The following PLEKHG3 variants were observed in gnomAD, a reference collection of about 807,000 sequenced individuals.
The protein encoded by PLEKHG3 is pleckstrin homology domain-containing family G member 3.
In PLEKHG3, 62 loss-of-function variants were observed where a neutral mutation model predicts 94.9. That is an observed-to-expected ratio of 0.65 (90% CI 0.53 to 0.81). The LOEUF is 0.81. PLEKHG3 is among the 30% of genes least tolerant of loss of function. The pLI is 0.00. For synonymous variants in PLEKHG3, 614 were observed against 654.0 expected (o/e 0.94, Z 0.93); for missense variants, 1,461 against 1,619.3 (o/e 0.90, Z 1.68).
chr14:64,714,755 A>G (rs535987618), intron 1 of PLEKHG3, among the ~76,000 whole-genome samples: 8 of 152,238 alleles, frequency 5.3e-5, no homozygotes, highest in Non-Finnish European at 1.2e-4. Context: ...TCCCAAACTT[A>G]ATATCTGTGC....
rs751458126 is a variant in PLEKHG3, at chr14:64,730,192, G to A, written c.450-51G>A. The A allele has an allele frequency of 1.0e-4, 102 of 984,754 alleles. No homozygotes were observed. Among genetic ancestry groups the A allele is most frequent in the Non-Finnish European group, 1.5e-4 (94 of 643,888 alleles). 61.0% of individuals were successfully genotyped at this position (984,754 alleles called of 1,614,324 possible). ...GAGGTTGGGGAGGGGGCAGTGAGGG[G>A]CATTGTCCTCTGACTGCAGAGGGTA... On this transcript the variant is annotated intron_variant, in intron 3 of 16. Transcript: ENST00000247226. The surrounding 1 kb of genome is among the most constrained non-coding windows in gnomAD (Gnocchi z 5.4).
At chr14:64,734,526 CAAT>C (rs2081533669) in intron 12 of PLEKHG3, among the ~76,000 whole-genome samples, 1 of 152,084 alleles carries the variant, frequency 6.6e-6, no homozygotes, top group Non-Finnish European at 1.5e-5. Context: ...AATTATATTT[CAAT>C]AAAGCTGTTA....
chr14:64,730,606 A>ATC lies in PLEKHG3; in HGVS notation c.520-33_520-32dup, dbSNP rs753977468. Reference sequence around the variant, plus strand: ...CCACCATCTTTACTGTCAAATGAGAATCTCCCTGAAATCACTATTTTTGAT... The same window carrying ATC: ...CCACCATCTTTACTGTCAAATGAGAATCTCTCCCTGAAATCACTATTTTTGAT... On this transcript the variant is annotated intron_variant, in intron 4 of 16. Coordinates refer to ENST00000247226, the MANE Select transcript of PLEKHG3 (RefSeq NM_001308147.2). This position sits in a 1 kb window ranked among gnomAD's most constrained non-coding sequence, Gnocchi z 5.4. 4 of 1,562,692 alleles carry ATC rather than the reference A, an allele frequency of 2.6e-6. No individual in the cohort carries two copies. The highest frequency in any genetic ancestry group is 3.5e-6 in the Non-Finnish European group (4 of 1,133,458).
Position 64,743,257 on chromosome 14 carries a change from C to G in PLEKHG3, c.3214C>G (p.Arg1072Gly). Residue 1072 changes from arginine to glycine, a missense_variant, in exon 17 of 17, where the codon CGC becomes GGC. By Grantham distance (125) the Arg-to-Gly change is moderately radical. This residue lies in a region of PLEKHG3 where 1,201 missense variants were observed against 1,295.5 expected (regional missense o/e 0.93). Transcript: ENST00000247226. The surrounding 1 kb of genome is among the most constrained non-coding windows in gnomAD (Gnocchi z 7.2). ...EARRAGGGRP[R>G]GPPVNRSHSV... ...ACGCCGAGCAGGGGGCGGCCGGCCC[C>G]GCGGCCCACCCGTCAACAGGAGCCA... The G allele has an allele frequency of 6.2e-7, 1 of 1,606,256 alleles. No individual in the cohort carries two copies. Among genetic ancestry groups the G allele is most frequent in the Non-Finnish European group, 8.5e-7 (1 of 1,178,586 alleles).
In PLEKHG3 at chr14:64,716,140, TG is replaced by T. The variant is rs760801914; in HGVS notation, c.-40+11440del. The T allele has an allele frequency of 2.3e-6, 1 of 440,578 alleles. No homozygotes were observed. The highest frequency in any genetic ancestry group is 1.6e-5 in the South Asian group (1 of 62,896). The allele number at this position is 440,578 out of a possible 1,614,324, so 27.3% of individuals were successfully genotyped here. A position where few individuals can be genotyped will look rare whatever the true frequency, so the allele number is the denominator to read the frequency against. ...GCCAGGGGATGGGAATGGGGTGGGA[TG>T]GGGACTCTTTCAACTCCGGGCCTCT... On this transcript the variant is annotated intron_variant, in intron 1 of 16. Coordinates refer to ENST00000247226, the MANE Select transcript of PLEKHG3 (RefSeq NM_001308147.2). The surrounding 1 kb of genome is among the most constrained non-coding windows in gnomAD (Gnocchi z 5.0).
At position 64,721,627 on chromosome 14, in the gene PLEKHG3, C is replaced by T. The variant is rs998876536; in HGVS notation, c.-39-5966C>T. Among the ~76,000 whole-genome samples the T allele has an allele frequency of 6.6e-6, 1 of 152,092 alleles. No homozygotes were observed. The highest frequency in any genetic ancestry group is 1.5e-5 in the Non-Finnish European group (1 of 68,026). On this transcript the variant is annotated intron_variant, in intron 1 of 16. Coordinates refer to ENST00000247226, the MANE Select transcript of PLEKHG3 (RefSeq NM_001308147.2). The surrounding 1 kb of genome is among the most constrained non-coding windows in gnomAD (Gnocchi z 4.3). ...TTGGCACAGCCTCTGCAGGCAGTCA[C>T]GTTGCTCACATGCACACAAAGTCAC...
Position 64,731,853 on chromosome 14 carries a change from G to T in PLEKHG3, c.1125+47G>T, listed in dbSNP as rs747672179. On this transcript the variant is annotated intron_variant, in intron 9 of 16. Coordinates refer to ENST00000247226, the MANE Select transcript of PLEKHG3 (RefSeq NM_001308147.2). The surrounding 1 kb of genome is among the most constrained non-coding windows in gnomAD (Gnocchi z 6.1). ...GGGGCTAGGGAACAAGATGCCCAGG[G>T]GACACCTGCGTGGGACTCCTGGCTC... The T allele has an allele frequency of 1.5e-6, 2 of 1,348,858 alleles. No individual in the cohort carries two copies. Among genetic ancestry groups the T allele is most frequent in the Admixed American group, 3.4e-5 (2 of 59,100 alleles). The allele number at this position is 1,348,858 out of a possible 1,614,324, so 83.6% of individuals were successfully genotyped here.
Position 64,738,132 on chromosome 14 carries a change from G to A in PLEKHG3, c.1405-610G>A, listed in dbSNP as rs1186363280. The stretch of plus-strand genomic sequence containing the variant: ...GCAGGAGGAGAGCCTGGCGGTGGCG[G>A]AGCAGGTAGCCGACTTTGCCAGCTC... On this transcript the variant is annotated intron_variant, in intron 14 of 16. Coordinates refer to ENST00000247226, the MANE Select transcript of PLEKHG3 (RefSeq NM_001308147.2). This position sits in a 1 kb window ranked among gnomAD's most constrained non-coding sequence, Gnocchi z 4.8. 3 of 1,299,714 alleles carry A rather than the reference G, an allele frequency of 2.3e-6. No homozygotes were observed. Among genetic ancestry groups the A allele is most frequent in the Middle Eastern group, 2.5e-4 (1 of 4,056 alleles). 80.5% of individuals were successfully genotyped at this position (1,299,714 alleles called of 1,614,324 possible). A position where few individuals can be genotyped will look rare whatever the true frequency, so the allele number is the denominator to read the frequency against.
In PLEKHG3 at chr14:64,718,170, A is replaced by G. The variant is rs1003118842; in HGVS notation, c.-39-9423A>G. ...CCTGGTCCCCTAAGTAGCACTAGCT[A>G]CTCCTTCTGTTAGCACAGTTTATTT... is the stretch of plus-strand genomic sequence containing the variant. On this transcript the variant is annotated intron_variant, in intron 1 of 16. Coordinates refer to ENST00000247226, the MANE Select transcript of PLEKHG3 (RefSeq NM_001308147.2). This position sits in a 1 kb window ranked among gnomAD's most constrained non-coding sequence, Gnocchi z 5.0. Among the ~76,000 whole-genome samples the G allele has an allele frequency of 4.6e-5, 7 of 152,050 alleles. No homozygotes were observed. The highest frequency in any genetic ancestry group is 6.5e-5 in the Admixed American group (1 of 15,270).
rs912579961 is a variant in PLEKHG3 at position 64,749,744 on chromosome 14, C to T, written c.*6041C>T. 9.4e-6 allele frequency: 15 copies of T among 1,602,980 alleles called. No individual in the cohort carries two copies. Among genetic ancestry groups the T allele is most frequent in the Middle Eastern group, 1.6e-4 (1 of 6,072 alleles). Reference sequence around the variant, plus strand: ...GTCATGGAGACACCTCTGGAGGGGGCGCTGGGCAGAGGGCTGGCTCTGATC... The same window carrying T: ...GTCATGGAGACACCTCTGGAGGGGGTGCTGGGCAGAGGGCTGGCTCTGATC... On this transcript the variant is annotated 3_prime_UTR_variant, in exon 17 of 17. Transcript: ENST00000247226. The surrounding 1 kb of genome is among the most constrained non-coding windows in gnomAD (Gnocchi z 4.7).
rs754504140 is a variant in PLEKHG3, at chr14:64,750,016, G to A, written c.*6313G>A. 101 of 1,614,086 alleles carry A rather than the reference G, an allele frequency of 6.3e-5. 1 individual carries two copies. The highest frequency in any genetic ancestry group is 8.0e-5 in the Non-Finnish European group (94 of 1,180,044). ...AGACGTGCTTCTTCTTCTTGTAGTTGGCAGCAATCTCACAGATGGCATGTC... is the reference window on the plus strand; with the variant it reads ...AGACGTGCTTCTTCTTCTTGTAGTTAGCAGCAATCTCACAGATGGCATGTC... On this transcript the variant is annotated 3_prime_UTR_variant, in exon 17 of 17. Transcript: ENST00000247226.
In PLEKHG3 at chr14:64,727,649, C is replaced by A. The variant is rs756611033; in HGVS notation, c.18C>A (p.Ser6=). MPVST[S]LHQDGSQERP... ...ATGCCAGGATGCCTGTGTCCACCTCCCTCCACCAGGATGGCAGCCAGGAGC... is the reference window on the plus strand; with the variant it reads ...ATGCCAGGATGCCTGTGTCCACCTCACTCCACCAGGATGGCAGCCAGGAGC... The change falls in exon 2 of 17, where the codon TCC becomes TCA. Residue 6 remains serine, a synonymous_variant. Coordinates refer to ENST00000247226, the MANE Select transcript of PLEKHG3 (RefSeq NM_001308147.2). The surrounding 1 kb of genome is among the most constrained non-coding windows in gnomAD (Gnocchi z 6.0). 1.9e-6 allele frequency: 3 copies of A among 1,611,674 alleles called. No individual in the cohort carries two copies. The South Asian group carries it at 3.3e-5, about 18-fold the overall frequency.
rs2081377522 is a variant in PLEKHG3, at chr14:64,727,646, C to T, written c.15C>T (p.Thr5=). MPVS[T]SLHQDGSQER... is the part of the protein sequence containing the mutation. ...GCAATGCCAGGATGCCTGTGTCCAC[C>T]TCCCTCCACCAGGATGGCAGCCAGG... Residue 5 remains threonine (T), a synonymous_variant, in exon 2 of 17, where the codon ACC becomes ACT. Coordinates refer to ENST00000247226, the MANE Select transcript of PLEKHG3 (RefSeq NM_001308147.2). The surrounding 1 kb of genome is among the most constrained non-coding windows in gnomAD (Gnocchi z 6.0). 10 of 1,610,956 alleles carry T rather than the reference C, an allele frequency of 6.2e-6. No homozygotes were observed. Among genetic ancestry groups the T allele is most frequent in the Non-Finnish European group, 8.5e-6 (10 of 1,178,400 alleles).
At position 64,746,474 on chromosome 14, in the gene PLEKHG3, A is replaced by G. The variant is rs901539882; in HGVS notation, c.*2771A>G. ...ATTTCCTCCCTGAGCTTGTTTGTCCAAGCCACCAAGCCATGTGGTCCCGCT... is the reference window on the plus strand; with the variant it reads ...ATTTCCTCCCTGAGCTTGTTTGTCCGAGCCACCAAGCCATGTGGTCCCGCT... On this transcript the variant is annotated 3_prime_UTR_variant, in exon 17 of 17. Coordinates refer to ENST00000247226, the MANE Select transcript of PLEKHG3 (RefSeq NM_001308147.2). This position sits in a 1 kb window ranked among gnomAD's most constrained non-coding sequence, Gnocchi z 4.9. 6.6e-6 allele frequency: 1 copy of G among 152,660 alleles called. No homozygotes were observed. The highest frequency in any genetic ancestry group is 6.5e-5 in the Admixed American group (1 of 15,272). The allele number at this position is 152,660 out of a possible 1,614,324, so 9.5% of individuals were successfully genotyped here. A position where few individuals can be genotyped will look rare whatever the true frequency, so the allele number is the denominator to read the frequency against.
chr14:64,713,844 A>G (rs1465000139), intron 1 of PLEKHG3, among the ~76,000 whole-genome samples: 1 of 151,354 alleles, frequency 6.6e-6, no homozygotes, highest in Non-Finnish European at 1.5e-5. Flanking sequence ...ATTCAGGATG[A>G]TTTCTTCAGT....
intron 1 of PLEKHG3, among the ~76,000 whole-genome samples, chr14:64,714,966 G>A (rs957623984): frequency 6.6e-6 from 1 of 152,158 alleles, no homozygotes; most frequent in Non-Finnish European, 1.5e-5. Context: ...ACTGAGTTGA[G>A]GCAATAGAAC....
chr14:64,730,359 C>T lies in PLEKHG3; in HGVS notation c.519+47C>T. The T allele has an allele frequency of 1.6e-6, 2 of 1,253,618 alleles. No individual in the cohort carries two copies. The highest frequency in any genetic ancestry group is 2.2e-6 in the Non-Finnish European group (2 of 888,918). The allele number at this position is 1,253,618 out of a possible 1,614,324, so 77.7% of individuals were successfully genotyped here. A position where few individuals can be genotyped will look rare whatever the true frequency, so the allele number is the denominator to read the frequency against. On this transcript the variant is annotated intron_variant, in intron 4 of 16. Transcript: ENST00000247226. This position sits in a 1 kb window ranked among gnomAD's most constrained non-coding sequence, Gnocchi z 5.4. Reference sequence around the variant, plus strand: ...CCTCTGTCCTACCTTGCTGAGAGCTCAGAGAGACAAGAACTGCCAGCATAA... The same window carrying T: ...CCTCTGTCCTACCTTGCTGAGAGCTTAGAGAGACAAGAACTGCCAGCATAA...
chr14:64,709,890 A>G (rs781088520), intron 1 of PLEKHG3, among the ~76,000 whole-genome samples: 2 of 152,164 alleles, frequency 1.3e-5, no homozygotes, highest in Non-Finnish European at 2.9e-5. Context: ...GTAAAACCCT[A>G]CTGTGTGACG....
Position 64,747,189 on chromosome 14 carries a change from G to C in PLEKHG3, c.*3486G>C, listed in dbSNP as rs1398876694. On this transcript the variant is annotated 3_prime_UTR_variant, in exon 17 of 17. Coordinates refer to ENST00000247226, the MANE Select transcript of PLEKHG3 (RefSeq NM_001308147.2). Reference sequence around the variant, plus strand: ...AATGCCTCACTTCAGGTGCTGATTTGGCACACGTGGAAGGGGGAGGGTGGG... The same window carrying C: ...AATGCCTCACTTCAGGTGCTGATTTCGCACACGTGGAAGGGGGAGGGTGGG... 6.6e-6 allele frequency: 1 copy of C among 152,508 alleles called. No individual in the cohort carries two copies. Among genetic ancestry groups the C allele is most frequent in the African/African-American group, 2.4e-5 (1 of 41,452 alleles). The allele number at this position is 152,508 out of a possible 1,614,324, so 9.4% of individuals were successfully genotyped here.
Sources: allele counts gnomAD v4.1 joint callset (sites outside exome capture counted in the v4.1 genomes callset), GRCh38; gene constraint gnomAD v4.1.1; regional missense constraint gnomAD v4.1.1; non-coding constraint Gnocchi (gnomAD v3.1); transcripts MANE v1.5; gene names NCBI Gene and HGNC (gene_info 2026-07-23, HGNC 2026-07-21).